Variants in LIN9 observed in about 807,000 individuals in gnomAD.
The protein encoded by LIN9 is protein lin-9 homolog.
In LIN9, 18 loss-of-function variants were observed where a neutral mutation model predicts 78.0. That is an observed-to-expected ratio of 0.23 (90% CI 0.16 to 0.34). The LOEUF (loss-of-function observed/expected upper bound fraction) is 0.34. Ranked by LOEUF, LIN9 falls within the 10% of genes least tolerant of loss-of-function variation. The probability of loss-of-function intolerance (pLI) is 1.00; values close to 1 mark genes in which losing one functional copy is unlikely to be tolerated. For missense variants in LIN9, 451 were observed against 644.1 expected, an observed-to-expected ratio of 0.70 and a Z score of 3.25; for synonymous variants, 192 against 215.2, an observed-to-expected ratio of 0.89 and a Z score of 0.94.
chr1:226,250,919 T>A lies in LIN9; in HGVS notation c.1039A>T (p.Thr347Ser). ...GFPVEFLIQV[T>S]RLSKILMIKK... ...ATCATGAGAATTTTTGATAATCTGG[T>A]CTACAGACAAAGAAGAAATATTTTA... The change falls in exon 11 of 15, where the codon ACC (threonine) becomes TCC (serine). Residue 347 changes from threonine (T) to serine (S), a missense_variant and splice_region_variant. By Grantham distance (58) the Thr-to-Ser change is moderately conservative. Coordinates refer to ENST00000681046, the MANE Select transcript of LIN9 (RefSeq NM_001366245.2). The A allele has an allele frequency of 7.0e-7, 1 of 1,436,322 alleles. No homozygotes were observed. The allele number at this position is 1,436,322 out of a possible 1,614,324, so 89.0% of individuals were successfully genotyped here.
intron 7 of LIN9, among the ~76,000 whole-genome samples, chr1:226,271,444 G>T (rs1469261859): frequency 6.6e-6 from 1 of 152,160 alleles, no homozygotes; most frequent in East Asian, 1.9e-4. Context: ...TGTGGTCAGA[G>T]AAATTCTCTA....
intron 12 of LIN9, among the ~76,000 whole-genome samples, chr1:226,235,111 T>C (rs1008116316): frequency 8.6e-5 from 13 of 151,774 alleles, no homozygotes; most frequent in Non-Finnish European, 1.3e-4. Flanking sequence ...GGTGGGTGGA[T>C]CACCTGAGGT....
intron 6 of LIN9, among the ~76,000 whole-genome samples, chr1:226,284,004 T>C (rs910020787): frequency 2.7e-5 from 4 of 150,002 alleles, no homozygotes; most frequent in Non-Finnish European, 5.9e-5. Context: ...AAAACTCTCT[T>C]ATGTTTTCCT....
At chr1:226,248,657 T>G (rs1048704998) in intron 11 of LIN9, among the ~76,000 whole-genome samples, 1 of 152,180 alleles carries the variant, frequency 6.6e-6, no homozygotes, top group African/African-American at 2.4e-5. Context: ...GATAAGCCAA[T>G]ATATCATAAT....
At chr1:226,262,365 T>C (rs1027534440) in intron 10 of LIN9, among the ~76,000 whole-genome samples, 1 of 152,192 alleles carries the variant, frequency 6.6e-6, no homozygotes, top group Non-Finnish European at 1.5e-5. Context: ...GGAGAAAATA[T>C]TTGTAAAATA....
At chr1:226,293,986 T>C (rs1661960087) in intron 4 of LIN9, among the ~76,000 whole-genome samples, 1 of 152,154 alleles carries the variant, frequency 6.6e-6, no homozygotes, top group South Asian at 2.1e-4. Context: ...TAGGGTAGAT[T>C]GCTGGTCATG....
chr1:226,295,700 G>A, intron 4 of LIN9, 142 bp downstream of exon 4: 1 of 534,364 alleles, frequency 1.9e-6, no homozygotes, highest in Non-Finnish European at 3.3e-6. Flanking sequence ...CATTTTCTAG[G>A]TAACTAAAAC....
At chr1:226,308,008 G>A (rs1484145274) in intron 1 of LIN9, among the ~76,000 whole-genome samples, 1 of 152,114 alleles carries the variant, frequency 6.6e-6, no homozygotes, top group African/African-American at 2.4e-5. Context: ...AACTTACTAA[G>A]AACACATGAC....
At chr1:226,295,373 C>T (rs952329465) in intron 4 of LIN9, among the ~76,000 whole-genome samples, 10 of 151,930 alleles carry the variant, frequency 6.6e-5, no homozygotes, top group South Asian at 2.1e-4. Flanking sequence ...CATTTGAACC[C>T]GGGAGGCAAA....
chr1:226,281,251 G>A (rs551269398), intron 6 of LIN9, among the ~76,000 whole-genome samples: 5 of 152,078 alleles, frequency 3.3e-5, no homozygotes, highest in Non-Finnish European at 7.4e-5. Context: ...TTAATAGAAT[G>A]GTGGTTACCA....
chr1:226,277,804 A>C lies in LIN9; in HGVS notation c.653T>G (p.Leu218Trp), dbSNP rs751618593. The change falls in exon 7 of 15, where the codon TTG becomes TGG. Residue 218 changes from leucine to tryptophan, a missense_variant. Physicochemically the swap from Leu to Trp is moderately conservative, Grantham distance 61. Transcript: ENST00000681046. ...QFKDLPDEIP[L>W]PLVIGTKVTA... ...AACTTTCGTTCCAATAACCAGAGGC[A>C]AAGGAATTTCATCTGGGAGATCTTT... is the stretch of plus-strand genomic sequence containing the variant. 1 of 1,613,904 alleles carries C rather than the reference A, an allele frequency of 6.2e-7. No individual in the cohort carries two copies. Among genetic ancestry groups the C allele is most frequent in the Admixed American group, 1.7e-5 (1 of 60,016 alleles).
At chr1:226,304,138 A>T (rs1662746373) in intron 1 of LIN9, among the ~76,000 whole-genome samples, 1 of 152,218 alleles carries the variant, frequency 6.6e-6, no homozygotes, top group Admixed American at 6.5e-5. Context: ...TTTTGATATA[A>T]TGCTGTTAGT....
chr1:226,248,241 A>G (rs1364969356), intron 11 of LIN9, among the ~76,000 whole-genome samples: 1 of 152,206 alleles, frequency 6.6e-6, no homozygotes, highest in African/African-American at 2.4e-5. Flanking sequence ...AAGACCTTGA[A>G]TTAATTGCCT....
At chr1:226,284,535 C>T (rs1037880370) in intron 6 of LIN9, among the ~76,000 whole-genome samples, 5 of 152,056 alleles carry the variant, frequency 3.3e-5, no homozygotes, top group Non-Finnish European at 7.4e-5. Flanking sequence ...ACCAGCCTGG[C>T]CAACATGGCA....
chr1:226,261,719 C>T (rs1052794954), intron 10 of LIN9, among the ~76,000 whole-genome samples: 5 of 152,056 alleles, frequency 3.3e-5, no homozygotes, highest in Non-Finnish European at 7.4e-5. Context: ...AAATTCAATT[C>T]AATACAAGTC....
At chr1:226,302,414 G>C (rs1662605006) in intron 1 of LIN9, among the ~76,000 whole-genome samples, 1 of 152,092 alleles carries the variant, frequency 6.6e-6, no homozygotes. Context: ...GTGGTGGCGA[G>C]CACCTGTAGT....
At chr1:226,279,284 T>C (rs893544502) in intron 6 of LIN9, among the ~76,000 whole-genome samples, 5 of 151,448 alleles carry the variant, frequency 3.3e-5, no homozygotes, top group African/African-American at 1.2e-4. Context: ...CTGGGCAACA[T>C]AGTGAGACTT....
intron 1 of LIN9, among the ~76,000 whole-genome samples, chr1:226,304,234 AC>A (rs1366807788): frequency 1.3e-5 from 2 of 152,246 alleles, no homozygotes; most frequent in African/African-American, 4.8e-5. Context: ...TCTTGCTCTA[AC>A]GAGGTGTTCA....
At chr1:226,241,117 C>A (rs1658079642) in intron 11 of LIN9, among the ~76,000 whole-genome samples, 1 of 152,112 alleles carries the variant, frequency 6.6e-6, no homozygotes, top group Admixed American at 6.5e-5. Context: ...GGAATCATAT[C>A]CAGGACATCC....
Sources: gnomAD v4.1 joint callset for allele counts (sites outside exome capture counted in the v4.1 genomes callset) on GRCh38, gnomAD v4.1.1 for gene constraint, MANE v1.5 for transcripts, NCBI Gene and HGNC (gene_info 2026-07-23, HGNC 2026-07-21) for gene names.